The following UNC5C variants were observed in gnomAD, a reference collection of about 807,000 sequenced individuals.
UNC5C encodes netrin receptor UNC5C.
UNC5C carries 47 observed loss-of-function variants against 99.8 expected under a neutral mutation model. That is an observed-to-expected ratio of 0.47 (90% CI 0.37 to 0.60). The LOEUF (loss-of-function observed/expected upper bound fraction) is 0.60. UNC5C is among the 20% of genes least tolerant of loss of function. The pLI is 0.00. For missense variants in UNC5C, 1,062 were observed against 1,165.9 expected (o/e 0.91, Z 1.30); for synonymous variants, 487 against 452.2 (o/e 1.08, Z -0.98).
At chr4:95,389,976 A>G (rs1365802657) in intron 1 of UNC5C, among the ~76,000 whole-genome samples, 2 of 152,190 alleles carry the variant, frequency 1.3e-5, no homozygotes, top group Non-Finnish European at 2.9e-5. Context: ...ATTGGACAGC[A>G]TTACGCTAGA....
At chr4:95,222,123 C>T in intron 7 of UNC5C, 3 of 971,192 alleles carry the variant, frequency 3.1e-6, no homozygotes, top group South Asian at 3.7e-5. Context: ...GTGTGCACAT[C>T]TGTAATCCGA....
At chr4:95,514,614 G>C (rs191585806) in intron 1 of UNC5C, among the ~76,000 whole-genome samples, 2 of 149,130 alleles carry the variant, frequency 1.3e-5, no homozygotes, top group East Asian at 3.9e-4. Flanking sequence ...TTCTATAAGA[G>C]CAGCAATATA....
At chr4:95,518,011 T>C (rs905146068) in intron 1 of UNC5C, among the ~76,000 whole-genome samples, 2 of 152,212 alleles carry the variant, frequency 1.3e-5, no homozygotes, top group African/African-American at 4.8e-5. Flanking sequence ...GCATTAACTC[T>C]AATCATGGAT....
At chr4:95,295,763 C>T (rs1213546493) in intron 3 of UNC5C, among the ~76,000 whole-genome samples, 1 of 152,168 alleles carries the variant, frequency 6.6e-6, no homozygotes, top group Non-Finnish European at 1.5e-5. Context: ...CAGAGCACCA[C>T]AGTTCACTTG....
intron 2 of UNC5C, among the ~76,000 whole-genome samples, chr4:95,304,153 C>T (rs1050403758): frequency 2.0e-5 from 3 of 152,144 alleles, no homozygotes; most frequent in African/African-American, 2.4e-5. Flanking sequence ...AAGCCCAAGA[C>T]GGTGGGTTTT....
intron 1 of UNC5C, among the ~76,000 whole-genome samples, chr4:95,483,295 T>C (rs904505212): frequency 1.3e-5 from 2 of 151,784 alleles, no homozygotes; most frequent in African/African-American, 2.4e-5. Flanking sequence ...GTATTAATAT[T>C]CTTCCTTTTG....
chr4:95,295,748 C>G (rs1741648029), intron 3 of UNC5C, among the ~76,000 whole-genome samples: 1 of 152,302 alleles, frequency 6.6e-6, no homozygotes, highest in Non-Finnish European at 1.5e-5. Flanking sequence ...TCAAGTATTA[C>G]TGGGCAGAGC....
intron 7 of UNC5C, among the ~76,000 whole-genome samples, chr4:95,224,356 C>T (rs1738593817): frequency 6.6e-6 from 1 of 152,210 alleles, no homozygotes; most frequent in African/African-American, 2.4e-5. Flanking sequence ...AAAGGAAAGC[C>T]TATCTCCAGC....
intron 5 of UNC5C, among the ~76,000 whole-genome samples, chr4:95,245,978 T>C (rs139517023): frequency 2.0e-3 from 304 of 152,360 alleles, no homozygotes; most frequent in African/African-American, 7.0e-3. Flanking sequence ...TGCATCTGTT[T>C]CCTGATACTA....
rs573879169 is a variant in UNC5C, at chr4:95,360,986, T to G, written c.125-25355A>C. On this transcript the variant is annotated intron_variant, in intron 1 of 15. Coordinates refer to ENST00000453304, the MANE Select transcript of UNC5C (RefSeq NM_003728.4). ...TTTTAGGAAGGCATCCTTTCTGTCT[T>G]CCACTTCAGTAAACTCAGAAAGTAA... 3.3e-5 allele frequency among the ~76,000 whole-genome samples: 5 copies of G among 152,288 alleles called. 1 individual carries two copies. In the East Asian group the frequency reaches 9.6e-4, roughly 29 times the overall value.
chr4:95,455,384 T>G (rs984007549), intron 1 of UNC5C, among the ~76,000 whole-genome samples: 2 of 152,038 alleles, frequency 1.3e-5, no homozygotes, highest in Non-Finnish European at 2.9e-5. Context: ...AGCATGCAAT[T>G]TAGGCCAAGT....
rs889691145 is a variant in UNC5C, at chr4:95,202,800, G to A, written c.2067C>T (p.Pro689=). The A allele has an allele frequency of 3.1e-6, 5 of 1,614,248 alleles. No individual in the cohort carries two copies. The highest frequency in any genetic ancestry group is 4.2e-6 in the Non-Finnish European group (5 of 1,180,052). The part of the protein sequence containing the change: ...AKRLKLAIFG[P]LCCSSLEYSI... ...TGTACTCCAGCGAGGAGCAGCACAGGGGCCCAAAGATGGCCAGCTTGAGGC... is the reference window on the plus strand; with the variant it reads ...TGTACTCCAGCGAGGAGCAGCACAGAGGCCCAAAGATGGCCAGCTTGAGGC... Residue 689 remains proline, a synonymous_variant, in exon 12 of 16, where the codon CCC becomes CCT. Coordinates refer to ENST00000453304, the MANE Select transcript of UNC5C (RefSeq NM_003728.4).
At chr4:95,529,320 G>GTA (rs1722579163) in intron 1 of UNC5C, among the ~76,000 whole-genome samples, 2 of 146,266 alleles carry the variant, frequency 1.4e-5, no homozygotes, top group Admixed American at 1.4e-4. Flanking sequence ...GTATATATGT[G>GTA]TATATATATT....
intron 2 of UNC5C, among the ~76,000 whole-genome samples, chr4:95,329,113 A>G (rs1743015181): frequency 1.3e-5 from 2 of 151,970 alleles, no homozygotes; most frequent in Middle Eastern, 3.2e-3. Context: ...GCAACATAGC[A>G]AGACCCCATC....
At chr4:95,321,094 T>A (rs190750021) in intron 2 of UNC5C, among the ~76,000 whole-genome samples, 12 of 152,316 alleles carry the variant, frequency 7.9e-5, no homozygotes, top group African/African-American at 2.6e-4. Flanking sequence ...AATAAATATA[T>A]GCTAGTAAAA....
At chr4:95,221,897 C>T (rs1472813181) in intron 7 of UNC5C, among the ~76,000 whole-genome samples, 3 of 152,144 alleles carry the variant, frequency 2.0e-5, no homozygotes, top group Non-Finnish European at 4.4e-5. Context: ...ACCCATCTGT[C>T]TTTTTTCAAC....
intron 11 of UNC5C, 55 bp downstream of exon 11, chr4:95,206,573 T>G: frequency 6.2e-7 from 1 of 1,607,292 alleles, no homozygotes; most frequent in Non-Finnish European, 8.5e-7. Context: ...TAATTGCTCC[T>G]GCTTATCTGC....
intron 4 of UNC5C, among the ~76,000 whole-genome samples, chr4:95,264,663 C>T (rs2149388086): frequency 6.6e-6 from 1 of 152,234 alleles, no homozygotes; most frequent in Admixed American, 6.5e-5. Context: ...TGAAATATTC[C>T]CAATCCCTCT....
intron 12 of UNC5C, among the ~76,000 whole-genome samples, chr4:95,200,612 T>C (rs182225254): frequency 3.3e-5 from 5 of 152,366 alleles, no homozygotes; most frequent in African/African-American, 9.6e-5. Context: ...GCCAAAAATA[T>C]AGAAGCTCTC....
Sources: allele counts gnomAD v4.1 joint callset (sites outside exome capture counted in the v4.1 genomes callset), GRCh38; gene constraint gnomAD v4.1.1; transcripts MANE v1.5; gene names NCBI Gene and HGNC (gene_info 2026-07-23, HGNC 2026-07-21).